ERICH1: variants seen among roughly 807,000 people sequenced by gnomAD.
ERICH1 encodes the protein glutamate-rich protein 1.
ERICH1 carries 56 observed loss-of-function variants against 39.6 expected under a neutral mutation model. The ratio of observed to expected loss-of-function variants is 1.41; its 90% CI spans 1.14 to 1.77. The LOEUF is 1.77. Among genes scored for constraint, ERICH1 ranks in the 40% most tolerant of loss-of-function variants. ERICH1 has a pLI of 0.00. For synonymous variants in ERICH1, 313 were observed against 223.6 expected (o/e 1.40, Z -3.57); for missense variants, 826 against 575.4 (o/e 1.44, Z -4.45).
intron 1 of ERICH1, among the ~76,000 whole-genome samples, chr8:723,348 A>C (rs919874763): frequency 1.3e-5 from 2 of 152,374 alleles, no homozygotes; most frequent in South Asian, 2.1e-4. Context: ...TAACACTCAC[A>C]GAGAACAAAA....
chr8:698,956 TG>T (rs1811028370), intron 2 of ERICH1, among the ~76,000 whole-genome samples: 1 of 150,670 alleles, frequency 6.6e-6, no homozygotes, highest in South Asian at 2.1e-4. Context: ...GCAGGGGAAC[TG>T]CAAGTGCCAA....
At chr8:626,584 C>T (rs533057888) in intron 3 of ERICH1, 83 of 158,178 alleles carry the variant, frequency 5.2e-4, no homozygotes, top group Admixed American at 1.8e-3. Context: ...CAGTTCCCTC[C>T]GAGAAGTGAT....
intron 3 of ERICH1, among the ~76,000 whole-genome samples, chr8:681,330 C>G (rs1017582975): frequency 1.3e-5 from 2 of 152,180 alleles, no homozygotes; most frequent in African/African-American, 2.4e-5. Context: ...ATCTAGCTCA[C>G]GAGAAAAACA....
intron 3 of ERICH1, chr8:625,732 T>C (rs1439970213): frequency 6.6e-6 from 1 of 152,236 alleles, no homozygotes; most frequent in Non-Finnish European, 1.5e-5. Context: ...TAAACCTGCT[T>C]CTGAACCGTG....
rs553189666 is a variant in ERICH1 at position 673,624 on chromosome 8, G to A, written c.728C>T (p.Thr243Ile). 2 of 1,556,074 alleles carry A rather than the reference G, an allele frequency of 1.3e-6. No homozygotes were observed. Among genetic ancestry groups the A allele is most frequent in the South Asian group, 2.3e-5 (2 of 88,216 alleles). ...DGADASEEDLTRARQEEGADA... is the reference protein window; with the variant it reads ...DGADASEEDLIRARQEEGADA... ...CGCACCCTCTTCCTGCCTGGCCCGTGTCAGGTCTTCCTCGCTAGCGTCCGC... is the reference window on the plus strand; with the variant it reads ...CGCACCCTCTTCCTGCCTGGCCCGTATCAGGTCTTCCTCGCTAGCGTCCGC... Residue 243 changes from threonine (T) to isoleucine (I), a missense_variant, in exon 4 of 6, where the codon ACA (threonine) becomes ATA (isoleucine). Transcript: ENST00000262109.
chr8:638,414 C>T (rs911520922), intron 3 of ERICH1, among the ~76,000 whole-genome samples: 7 of 152,118 alleles, frequency 4.6e-5, no homozygotes, highest in Non-Finnish European at 7.4e-5. Flanking sequence ...CGTTACAGTG[C>T]GGTGGGCAGG....
chr8:674,604 AGTT>A (rs1378264204), intron 3 of ERICH1, among the ~76,000 whole-genome samples: 1 of 152,152 alleles, frequency 6.6e-6, no homozygotes, highest in Admixed American at 6.5e-5. Flanking sequence ...GCGCCTGGCC[AGTT>A]GTTGCATTTT....
chr8:636,419 G>A (rs1026223654), intron 3 of ERICH1, among the ~76,000 whole-genome samples: 1 of 152,230 alleles, frequency 6.6e-6, no homozygotes, highest in Non-Finnish European at 1.5e-5. Flanking sequence ...CTCCCTCATA[G>A]AAAATACTCT....
At chr8:680,951 G>C (rs1049355049) in intron 3 of ERICH1, among the ~76,000 whole-genome samples, 1 of 152,236 alleles carries the variant, frequency 6.6e-6, no homozygotes, top group Admixed American at 6.5e-5. Context: ...AGGAGACCTG[G>C]TGGTGACGGA....
At chr8:630,180 C>G (rs1797908829) in intron 3 of ERICH1, among the ~76,000 whole-genome samples, 1 of 144,734 alleles carries the variant, frequency 6.9e-6, no homozygotes, top group Non-Finnish European at 1.5e-5. Context: ...AGAGCTGACT[C>G]ACACCCTCCC....
chr8:640,410 G>GT (rs1240723044), intron 3 of ERICH1, among the ~76,000 whole-genome samples: 2 of 152,160 alleles, frequency 1.3e-5, no homozygotes, highest in African/African-American at 2.4e-5. Flanking sequence ...GGAACATTCT[G>GT]TAATGAGATT....
In ERICH1 at chr8:729,675, T is replaced by A. The variant is rs1321976835; in HGVS notation, c.22+1465A>T. 6.6e-5 allele frequency among the ~76,000 whole-genome samples: 10 copies of A among 152,106 alleles called. No individual in the cohort carries two copies. The East Asian group carries it at 1.7e-3, about 26-fold the overall frequency. ...TTAATCTATCCTTCCAACCACAATG[T>A]CCTTAAACAACGTAAATTTACTTGA... On this transcript the variant is annotated intron_variant, in intron 1 of 5. Coordinates refer to ENST00000262109, the MANE Select transcript of ERICH1 (RefSeq NM_207332.3).
chr8:707,152 G>T (rs1813457769), intron 2 of ERICH1, among the ~76,000 whole-genome samples: 1 of 150,734 alleles, frequency 6.6e-6, no homozygotes, highest in South Asian at 2.1e-4. Flanking sequence ...CAATGGAATA[G>T]AATTGAGAGT....
exon 4 of ERICH1, chr8:614,891 G>C (rs1028844446): frequency 4.3e-6 from 1 of 231,282 alleles, no homozygotes; most frequent in Non-Finnish European, 8.3e-6. Context: ...AGCCAATTAG[G>C]TTCCTCAGTT....
At chr8:721,676 A>C (rs1201676703) in intron 1 of ERICH1, among the ~76,000 whole-genome samples, 2 of 152,208 alleles carry the variant, frequency 1.3e-5, no homozygotes, top group Admixed American at 6.5e-5. Context: ...TTTCCTGCAG[A>C]TATGGACACG....
chr8:694,852 A>G (rs1368144057), intron 2 of ERICH1, among the ~76,000 whole-genome samples: 1 of 152,152 alleles, frequency 6.6e-6, no homozygotes, highest in Admixed American at 6.6e-5. Context: ...GGCGGCAGCG[A>G]GAGTTCCCCG....
intron 3 of ERICH1, among the ~76,000 whole-genome samples, chr8:655,927 G>A (rs564365516): frequency 4.6e-5 from 7 of 152,032 alleles, no homozygotes; most frequent in South Asian, 4.2e-4. Flanking sequence ...TGCTGTTCTC[G>A]CAGTTACACC....
At chr8:697,634 A>G (rs1204471015) in intron 2 of ERICH1, among the ~76,000 whole-genome samples, 3 of 152,000 alleles carry the variant, frequency 2.0e-5, no homozygotes, top group African/African-American at 7.2e-5. Flanking sequence ...GCTCTTCGCC[A>G]TTTTGGTCTC....
intron 3 of ERICH1, among the ~76,000 whole-genome samples, chr8:684,716 GA>G (rs1806902918): frequency 6.6e-6 from 1 of 152,174 alleles, no homozygotes; most frequent in Admixed American, 6.5e-5. Flanking sequence ...GAAATAAAGG[GA>G]AAGAGTACAA....
Sources: gnomAD v4.1 joint callset for allele counts (sites outside exome capture counted in the v4.1 genomes callset) on GRCh38, gnomAD v4.1.1 for gene constraint, MANE v1.5 for transcripts, NCBI Gene and HGNC (gene_info 2026-07-23, HGNC 2026-07-21) for gene names.